RHD: variants seen among roughly 807,000 people sequenced by gnomAD.
RHD encodes Rh blood group D antigen.
In RHD, 16 loss-of-function variants were observed where a neutral mutation model predicts 45.5. The observed-to-expected ratio is 0.35, with a 90% CI of 0.24 to 0.53. RHD has a LOEUF of 0.53. Ranked by LOEUF, RHD falls within the 20% of genes least tolerant of loss-of-function variation. The pLI, the probability that RHD is intolerant of heterozygous loss-of-function variation, is 0.92. For missense variants in RHD, 306 were observed against 532.0 expected (o/e 0.58, Z 4.18); for synonymous variants, 131 against 217.5 (o/e 0.60, Z 3.50).
rs561757128 is a variant in RHD at position 25,322,239 on chromosome 1, T to C, written c.1227+277T>C. Among the ~76,000 whole-genome samples, 36 of 132,452 alleles carry C rather than the reference T, an allele frequency of 2.7e-4. 3 individuals are homozygous for C. The South Asian group carries it at 7.6e-3, about 28-fold the overall frequency. 86.9% of individuals were successfully genotyped at this position (132,452 alleles called of 152,430 possible). A position where few individuals can be genotyped will look rare whatever the true frequency, so the allele number is the denominator to read the frequency against. ...TCACTGGCCACACTTCCCCTCCCCC[T>C]ATCTGCAGTCCTCAGCGTAGCCAAA... On this transcript the variant is annotated intron_variant, in intron 9 of 9. Transcript: ENST00000328664.
intron 2 of RHD, 122 bp downstream of exon 2, chr1:25,284,881 A>G (rs889312564): frequency 1.4e-5 from 15 of 1,104,424 alleles, no homozygotes; most frequent in Non-Finnish European, 2.0e-5. Flanking sequence ...TGCAATATTT[A>G]GGACATCCTT....
intron 7 of RHD, among the ~76,000 whole-genome samples, chr1:25,310,827 G>C (rs1644101874): frequency 7.6e-6 from 1 of 131,992 alleles, no homozygotes; most frequent in Non-Finnish European, 1.8e-5. Flanking sequence ...CAAAAAATTA[G>C]CTGGGCGTGG....
chr1:25,280,605 C>CTT lies in RHD; in HGVS notation c.149-3949_149-3948dup, dbSNP rs71014346. Among the ~76,000 whole-genome samples, 382 of 60,740 alleles carry CTT rather than the reference C, an allele frequency of 6.3e-3. 18 individuals are homozygous for CTT. The highest frequency in any genetic ancestry group is 0.017 in the African/African-American group (368 of 21,268). The allele number at this position is 60,740 out of a possible 152,430, so 39.8% of individuals were successfully genotyped here. The stretch of plus-strand genomic sequence containing the variant: ...ACAGACATAAGCCACTGTGCCTGGC[C>CTT]TTTTTTTTTTTTTTTTTTTTGTAAA... On this transcript the variant is annotated intron_variant, in intron 1 of 9. Coordinates refer to ENST00000328664, the MANE Select transcript of RHD (RefSeq NM_016124.6).
chr1:25,293,090 G>T lies in RHD; in HGVS notation c.486+2299G>T, dbSNP rs1423855978. Among the ~76,000 whole-genome samples, 6 of 131,626 alleles carry T rather than the reference G, an allele frequency of 4.6e-5. 2 individuals carry two copies. The highest frequency in any genetic ancestry group is 1.5e-4 in the Admixed American group (2 of 13,554). 86.4% of individuals were successfully genotyped at this position (131,626 alleles called of 152,430 possible). ...GGCATGCATGGTTGTAGAGGAGGAT[G>T]AAGGCAACAGCCTGGCTTGACTGAT... On this transcript the variant is annotated intron_variant, in intron 3 of 9. Transcript: ENST00000328664.
At position 25,307,816 on chromosome 1, in the gene RHD, G is replaced by A. The variant is rs1643932020; in HGVS notation, c.1073+1087G>A. The stretch of plus-strand genomic sequence containing the variant: ...AAATTATAGGGATCACATATCAGTG[G>A]GTGAGACATCCTTGCTTGGGATGAG... On this transcript the variant is annotated intron_variant, in intron 7 of 9. Coordinates refer to ENST00000328664, the MANE Select transcript of RHD (RefSeq NM_016124.6). 5.4e-6 allele frequency: 7 copies of A among 1,302,346 alleles called. 2 individuals are homozygous for A. Among genetic ancestry groups the A allele is most frequent in the African/African-American group, 4.4e-5 (3 of 68,170 alleles). 80.7% of individuals were successfully genotyped at this position (1,302,346 alleles called of 1,614,324 possible).
chr1:25,306,985 T>C lies in RHD; in HGVS notation c.1073+256T>C, dbSNP rs657148. On this transcript the variant is annotated intron_variant, in intron 7 of 9. Coordinates refer to ENST00000328664, the MANE Select transcript of RHD (RefSeq NM_016124.6). The stretch of plus-strand genomic sequence containing the variant: ...ACCAAAGACACGAAATCTTTTGTGA[T>C]CCCACAAACACAGAGCAGGTCAAAT... 40 of 434,220 alleles carry C rather than the reference T, an allele frequency of 9.2e-5. 8 individuals are homozygous for C. Among genetic ancestry groups the C allele is most frequent in the Non-Finnish European group, 1.6e-4 (34 of 211,688 alleles). 26.9% of individuals were successfully genotyped at this position (434,220 alleles called of 1,614,324 possible). A position where few individuals can be genotyped will look rare whatever the true frequency, so the allele number is the denominator to read the frequency against.
At chr1:25,316,217 A>T (rs1265530536) in intron 7 of RHD, among the ~76,000 whole-genome samples, 1 of 130,282 alleles carries the variant, frequency 7.7e-6, no homozygotes. Flanking sequence ...TCGTGGAAGT[A>T]TGTTCAAGGG....
chr1:25,282,720 T>C (rs1336350107), intron 1 of RHD, among the ~76,000 whole-genome samples: 1 of 128,876 alleles, frequency 7.8e-6, no homozygotes, highest in African/African-American at 2.6e-5. Context: ...AGGTCAGGAG[T>C]TCGAGACCAG....
At chr1:25,312,950 A>C (rs1330483483) in intron 7 of RHD, among the ~76,000 whole-genome samples, 1 of 111,966 alleles carries the variant, frequency 8.9e-6, no homozygotes, top group African/African-American at 2.9e-5. Context: ...AAAAAAAAAA[A>C]AAAAACTTTA....
chr1:25,281,129 A>C (rs1425084753), intron 1 of RHD, among the ~76,000 whole-genome samples: 1 of 132,768 alleles, frequency 7.5e-6, no homozygotes, highest in Non-Finnish European at 1.8e-5. Context: ...GAGAGAAGAA[A>C]GAGCTAGAGA....
Position 25,314,165 on chromosome 1 carries a change from A to C in RHD, c.1074-2835A>C, listed in dbSNP as rs1557558473. Among the ~76,000 whole-genome samples the C allele has an allele frequency of 1.5e-5, 2 of 132,772 alleles. 1 individual carries two copies. The highest frequency in any genetic ancestry group is 5.1e-5 in the African/African-American group (2 of 38,926). 87.1% of individuals were successfully genotyped at this position (132,772 alleles called of 152,430 possible). ...TCAGCTTTAGTGGCTACTGCTAAAC[A>C]ATTTTCTCTAGTAGTTTGCGCCAAT... On this transcript the variant is annotated intron_variant, in intron 7 of 9. Coordinates refer to ENST00000328664, the MANE Select transcript of RHD (RefSeq NM_016124.6).
rs1004687135 is a variant in RHD at position 25,314,450 on chromosome 1, T to C, written c.1074-2550T>C. Among the ~76,000 whole-genome samples the C allele has an allele frequency of 7.5e-5, 10 of 132,750 alleles. 1 individual carries two copies. The highest frequency in any genetic ancestry group is 2.6e-4 in the African/African-American group (10 of 38,994). 87.1% of individuals were successfully genotyped at this position (132,750 alleles called of 152,430 possible). On this transcript the variant is annotated intron_variant, in intron 7 of 9. Transcript: ENST00000328664. ...TTTCTTATTGATTTGTAGGAATTCCTTACGTATCCTGGATATGAATCCCAC... is the reference window on the plus strand; with the variant it reads ...TTTCTTATTGATTTGTAGGAATTCCCTACGTATCCTGGATATGAATCCCAC...
chr1:25,301,574 G>A lies in RHD; in HGVS notation c.689G>A (p.Ser230Asn), dbSNP rs374920252. The stretch of plus-strand genomic sequence containing the variant: ...AGTTTCAACTCTGCTCTGCTGAGAA[G>A]TCCAATCGAAAGGAAGAATGCCGTG... ...WPSFNSALLR[S>N]PIERKNAVFN... The change falls in exon 5 of 10, where the codon AGT becomes AAT. Residue 230 changes from serine to asparagine, a missense_variant. Transcript: ENST00000328664. 1 of 1,379,866 alleles carries A rather than the reference G, an allele frequency of 7.2e-7. No homozygotes were observed. The highest frequency in any genetic ancestry group is 2.2e-5 in the East Asian group (1 of 44,660). 85.5% of individuals were successfully genotyped at this position (1,379,866 alleles called of 1,614,324 possible). A position where few individuals can be genotyped will look rare whatever the true frequency, so the allele number is the denominator to read the frequency against.
chr1:25,303,018 G>A (rs1436949370), intron 5 of RHD, among the ~76,000 whole-genome samples: 1 of 130,866 alleles, frequency 7.6e-6, no homozygotes, highest in African/African-American at 2.6e-5. Context: ...GCTGCCCAGG[G>A]ACACACCACT....
rs1356224442 is a variant in RHD at position 25,303,489 on chromosome 1, C to G, written c.939+30C>G. The G allele has an allele frequency of 1.1e-5, 15 of 1,378,078 alleles. 2 individuals carry two copies. In the South Asian group the frequency reaches 1.4e-4, roughly 13 times the overall value. 85.4% of individuals were successfully genotyped at this position (1,378,078 alleles called of 1,614,324 possible). On this transcript the variant is annotated intron_variant, in intron 6 of 9. Coordinates refer to ENST00000328664, the MANE Select transcript of RHD (RefSeq NM_016124.6). Reference sequence around the variant, plus strand: ...GAAACTAGACAACTAACCTCCTCTGCTTTGGCTGAAGGCCAGCAGGACGCT... The same window carrying G: ...GAAACTAGACAACTAACCTCCTCTGGTTTGGCTGAAGGCCAGCAGGACGCT...
Position 25,302,165 on chromosome 1 carries a change from G to A in RHD, c.801+479G>A, listed in dbSNP as rs547946041. On this transcript the variant is annotated intron_variant, in intron 5 of 9. Coordinates refer to ENST00000328664, the MANE Select transcript of RHD (RefSeq NM_016124.6). Reference sequence around the variant, plus strand: ...TCTCAGTGGCCTCATCTGTAAAGTGGGAATTAAGAGATGGTGCATGTAAAG... The same window carrying A: ...TCTCAGTGGCCTCATCTGTAAAGTGAGAATTAAGAGATGGTGCATGTAAAG... Among the ~76,000 whole-genome samples, 1,074 of 131,322 alleles carry A rather than the reference G, an allele frequency of 8.2e-3. 160 individuals are homozygous for A. Among genetic ancestry groups the A allele is most frequent in the African/African-American group, 0.026 (987 of 37,930 alleles). 86.2% of individuals were successfully genotyped at this position (131,322 alleles called of 152,430 possible). A position where few individuals can be genotyped will look rare whatever the true frequency, so the allele number is the denominator to read the frequency against.
chr1:25,298,848 G>A (rs1371085725), intron 3 of RHD, among the ~76,000 whole-genome samples: 3 of 129,884 alleles, frequency 2.3e-5, no homozygotes. Flanking sequence ...AGATAAAAAT[G>A]AAATGGAGAA....
At chr1:25,297,834 G>A (rs1643076792) in intron 3 of RHD, among the ~76,000 whole-genome samples, 1 of 131,804 alleles carries the variant, frequency 7.6e-6, no homozygotes, top group Admixed American at 7.4e-5. Flanking sequence ...AGTATGGACA[G>A]TTTTAAAAAA....
At chr1:25,305,989 C>T (rs147794555) in intron 6 of RHD, among the ~76,000 whole-genome samples, 1,809 of 132,014 alleles carry the variant, frequency 0.014, 295 homozygotes, top group African/African-American at 0.042. Flanking sequence ...TGCTGGCTCA[C>T]GGCTGTGTGG....
Sources: allele counts gnomAD v4.1 joint callset (sites outside exome capture counted in the v4.1 genomes callset), GRCh38; gene constraint gnomAD v4.1.1; transcripts MANE v1.5; gene names NCBI Gene and HGNC (gene_info 2026-07-23, HGNC 2026-07-21).